Variants in RBM6 observed in about 807,000 individuals in gnomAD.
RBM6 encodes RNA binding motif protein 6, also known as RNA-binding protein 6.
A neutral mutation model predicts 140.4 loss-of-function variants in RBM6; 23 were observed. The ratio of observed to expected loss-of-function variants is 0.16; its 90% confidence interval spans 0.12 to 0.23. The LOEUF is 0.23. Among genes scored for constraint, RBM6 ranks in the 10% least tolerant of loss-of-function variants. The pLI is 1.00. For synonymous variants in RBM6, 439 were observed against 475.6 expected, an observed-to-expected ratio of 0.92 and a Z score of 1.00; for missense variants, 1,139 against 1,386.7, an observed-to-expected ratio of 0.82 and a Z score of 2.84.
intron 6 of RBM6, among the ~76,000 whole-genome samples, chr3:50,004,310 C>CT (rs56655270): frequency 0.62 from 86,345 of 139,100 alleles, 27,202 homozygotes; most frequent in East Asian, 0.89. Flanking sequence ...CTCCCCTCCC[C>CT]CCCCTCCCCT....
chr3:50,075,601 A>G (rs2240327), intron 20 of RBM6, among the ~76,000 whole-genome samples: 75,773 of 152,068 alleles, frequency 0.5, 20,051 homozygotes, highest in East Asian at 0.86. Context: ...TATCTGAGGC[A>G]GTTTGAGACT....
intron 6 of RBM6, among the ~76,000 whole-genome samples, chr3:50,011,612 T>A (rs1332658026): frequency 1.3e-5 from 2 of 152,106 alleles, no homozygotes; most frequent in African/African-American, 4.8e-5. Flanking sequence ...ATGTCTTTCT[T>A]AGAGGCCTCT....
intron 5 of RBM6, among the ~76,000 whole-genome samples, chr3:49,989,871 C>T (rs910035912): frequency 2.0e-5 from 3 of 152,098 alleles, no homozygotes; most frequent in Non-Finnish European, 4.4e-5. Context: ...CTCAGCCTCC[C>T]TTGTAGCTGG....
At chr3:50,003,825 C>T (rs1195516710) in intron 6 of RBM6, among the ~76,000 whole-genome samples, 2 of 152,200 alleles carry the variant, frequency 1.3e-5, no homozygotes, top group African/African-American at 4.8e-5. Flanking sequence ...TGTACCATCA[C>T]CATTTCTGTC....
At chr3:50,019,941 C>G (rs2087391679) in intron 6 of RBM6, among the ~76,000 whole-genome samples, 1 of 147,006 alleles carries the variant, frequency 6.8e-6, no homozygotes, top group Non-Finnish European at 1.5e-5. Flanking sequence ...TTTTTAGATG[C>G]AGGGTCTCAC....
chr3:49,958,855 A>G (rs2084140994), intron 1 of RBM6, among the ~76,000 whole-genome samples: 1 of 137,910 alleles, frequency 7.3e-6, no homozygotes, highest in African/African-American at 2.7e-5. Flanking sequence ...GTGCCATGGC[A>G]TGATCTCAGC....
At chr3:50,076,859 G>C in intron 20 of RBM6, 149 bp from the exon 21 acceptor site, 1 of 672,492 alleles carries the variant, frequency 1.5e-6, no homozygotes, top group Non-Finnish European at 2.2e-6. Context: ...ACTCTAGCCC[G>C]GGCGACAGAG....
In RBM6 at chr3:49,964,075, A is replaced by AT. The variant is rs1017024324; in HGVS notation, c.44+1401dup. On this transcript the variant is annotated intron_variant, in intron 2 of 20. Coordinates refer to ENST00000266022, the MANE Select transcript of RBM6 (RefSeq NM_005777.3). ...GCCACCATGCCTGGCTAATTATTGTATTTTTTTTTTTAGTAGAGATGGCGT... is the reference window on the plus strand; with the variant it reads ...GCCACCATGCCTGGCTAATTATTGTATTTTTTTTTTTTAGTAGAGATGGCGT... Among the ~76,000 whole-genome samples, 429 of 145,520 alleles carry AT rather than the reference A, an allele frequency of 2.9e-3. 1 individual carries two copies. The highest frequency in any genetic ancestry group is 0.016 in the East Asian group (81 of 4,986).
intron 1 of RBM6, among the ~76,000 whole-genome samples, chr3:49,948,486 G>A (rs1203187345): frequency 6.6e-6 from 1 of 152,064 alleles, no homozygotes; most frequent in Non-Finnish European, 1.5e-5. Flanking sequence ...CAGCACTTTG[G>A]GAGGCCGAGG....
At chr3:50,053,416 G>A (rs1313870280) in intron 7 of RBM6, among the ~76,000 whole-genome samples, 2 of 151,826 alleles carry the variant, frequency 1.3e-5, no homozygotes, top group East Asian at 1.9e-4. Flanking sequence ...CTGTAATCCC[G>A]GCTACTCGGG....
At chr3:50,025,873 G>A (rs2087786432) in intron 6 of RBM6, among the ~76,000 whole-genome samples, 1 of 151,868 alleles carries the variant, frequency 6.6e-6, no homozygotes, top group Admixed American at 6.6e-5. Context: ...AAATATATAA[G>A]ACTAATTGAT....
chr3:50,028,440 C>T (rs2087961296), intron 6 of RBM6, among the ~76,000 whole-genome samples: 1 of 152,162 alleles, frequency 6.6e-6, no homozygotes. Context: ...TGTCAGGTTT[C>T]CTGGCTCAAC....
intron 3 of RBM6, among the ~76,000 whole-genome samples, chr3:49,970,602 T>C: frequency 6.6e-6 from 1 of 152,230 alleles, no homozygotes; most frequent in East Asian, 1.9e-4. Context: ...AACTATCCTC[T>C]TGCAGCTAAC....
At chr3:49,989,499 C>G (rs1037060499) in intron 5 of RBM6, among the ~76,000 whole-genome samples, 1 of 152,006 alleles carries the variant, frequency 6.6e-6, no homozygotes, top group Non-Finnish European at 1.5e-5. Flanking sequence ...CGCTTGAACC[C>G]GGAAGGTGGA....
chr3:50,029,909 A>T (rs1670756727), intron 6 of RBM6, among the ~76,000 whole-genome samples: 1 of 151,196 alleles, frequency 6.6e-6, no homozygotes, highest in South Asian at 2.1e-4. Context: ...GTGCCCCTGT[A>T]GTTCCCATTA....
At chr3:49,963,121 AAAAG>A (rs2084358983) in intron 2 of RBM6, 1 of 152,434 alleles carries the variant, frequency 6.6e-6, no homozygotes, top group Non-Finnish European at 1.5e-5. Flanking sequence ...CAAAAAAAAA[AAAAG>A]AAAAAAAAAG....
At position 49,960,604 on chromosome 3, in the gene RBM6, A is replaced by T. The variant is rs144899017; in HGVS notation, c.-66-1972A>T. On this transcript the variant is annotated intron_variant, in intron 1 of 20. Coordinates refer to ENST00000266022, the MANE Select transcript of RBM6 (RefSeq NM_005777.3). ...GGTCATATTTAAGAAATCATTGCCA[A>T]ATCCAAGGTCATGAAGATTTGCCTC... is the stretch of plus-strand genomic sequence containing the variant. 1.2e-4 allele frequency among the ~76,000 whole-genome samples: 18 copies of T among 152,316 alleles called. No individual in the cohort carries two copies. In the East Asian group the frequency reaches 2.3e-3, roughly 20 times the overall value.
At chr3:50,057,217 C>T (rs1287523263) in intron 8 of RBM6, among the ~76,000 whole-genome samples, 1 of 152,120 alleles carries the variant, frequency 6.6e-6, no homozygotes, top group East Asian at 1.9e-4. Flanking sequence ...ATTTCATGTC[C>T]TGTCTCAGCT....
chr3:49,978,698 T>C (rs1172661793), intron 5 of RBM6, among the ~76,000 whole-genome samples: 1 of 152,172 alleles, frequency 6.6e-6, no homozygotes, highest in Non-Finnish European at 1.5e-5. Context: ...ATATTCTCAC[T>C]AACAGGAGTA....
Sources: gnomAD v4.1 joint callset for allele counts (sites outside exome capture counted in the v4.1 genomes callset) on GRCh38, gnomAD v4.1.1 for gene constraint, MANE v1.5 for transcripts, NCBI Gene and HGNC (gene_info 2026-07-23, HGNC 2026-07-21) for gene names.